SRRM4: variants seen among roughly 807,000 people sequenced by gnomAD.
SRRM4 encodes serine/arginine repetitive matrix protein 4.
Under a neutral mutation model 68.9 loss-of-function variants are expected in SRRM4, and 33 were observed. The ratio of observed to expected loss-of-function variants is 0.48; its 90% CI spans 0.36 to 0.64. SRRM4 has a LOEUF of 0.64. Among genes scored for constraint, SRRM4 ranks in the 30% least tolerant of loss-of-function variants. The pLI, the probability that SRRM4 is intolerant of heterozygous loss-of-function variation, is 0.00. For synonymous variants in SRRM4, 318 were observed against 318.8 expected (o/e 1.00, Z 0.03); for missense variants, 817 against 827.1 (o/e 0.99, Z 0.15).
chr12:119,021,553 T>A (rs1198263435), intron 1 of SRRM4, among the ~76,000 whole-genome samples: 1 of 152,184 alleles, frequency 6.6e-6, no homozygotes, highest in East Asian at 1.9e-4. Flanking sequence ...CTACCCCCAG[T>A]GGTCATTATT....
At chr12:119,001,362 TG>T (rs1953382832) in intron 1 of SRRM4, 1 of 152,198 alleles carries the variant, frequency 6.6e-6, no homozygotes, top group African/African-American at 2.4e-5. Context: ...CTAAGATAAC[TG>T]GGAAGGGCAG....
At chr12:119,142,869 CTCCAGAGTTG>C (rs1281969813) in intron 8 of SRRM4, among the ~76,000 whole-genome samples, 16 of 152,178 alleles carry the variant, frequency 1.1e-4, no homozygotes, top group African/African-American at 3.9e-4. Flanking sequence ...TACCATTGAA[CTCCAGAGTTG>C]AGAAAGATGT....
intron 9 of SRRM4, among the ~76,000 whole-genome samples, chr12:119,149,796 G>A (rs565435463): frequency 1.3e-5 from 2 of 152,298 alleles, no homozygotes; most frequent in African/African-American, 4.8e-5. Context: ...ACCTGAGATT[G>A]GAGGGGTGAG....
At chr12:119,001,241 G>C (rs181113336) in intron 1 of SRRM4, 1 of 152,380 alleles carries the variant, frequency 6.6e-6, no homozygotes, top group East Asian at 1.9e-4. Context: ...GATGAGGAAA[G>C]TGAACAACGT....
intron 1 of SRRM4, among the ~76,000 whole-genome samples, chr12:119,023,827 TATA>T (rs1227375417): frequency 6.6e-6 from 1 of 152,202 alleles, no homozygotes; most frequent in African/African-American, 2.4e-5. Context: ...AGACCCAACA[TATA>T]ATAGGTGCTC....
intron 1 of SRRM4, among the ~76,000 whole-genome samples, chr12:119,076,024 G>A (rs1204730296): frequency 2.6e-5 from 4 of 151,520 alleles, no homozygotes; most frequent in Non-Finnish European, 5.9e-5. Context: ...TGATGATGAT[G>A]GTGGTGATGG....
intron 1 of SRRM4, among the ~76,000 whole-genome samples, chr12:118,983,524 C>G (rs559900709): frequency 6.6e-6 from 1 of 152,212 alleles, no homozygotes; most frequent in Non-Finnish European, 1.5e-5. Context: ...TTTCTGCTAT[C>G]TATTCCACCT....
At chr12:119,101,729 A>G (rs1467457381) in intron 1 of SRRM4, among the ~76,000 whole-genome samples, 1 of 152,130 alleles carries the variant, frequency 6.6e-6, no homozygotes, top group Non-Finnish European at 1.5e-5. Context: ...GAAATAAGGC[A>G]GAGAAATGGA....
At chr12:119,129,812 G>A (rs1448196701) in intron 7 of SRRM4, among the ~76,000 whole-genome samples, 1 of 152,244 alleles carries the variant, frequency 6.6e-6, no homozygotes, top group East Asian at 1.9e-4. Context: ...TGGTTAGGTA[G>A]ATGGATGGAT....
intron 5 of SRRM4, among the ~76,000 whole-genome samples, chr12:119,120,784 T>TAAAA (rs1954214547): frequency 6.6e-6 from 1 of 152,234 alleles, no homozygotes; most frequent in Admixed American, 6.5e-5. Context: ...AGTGGATATG[T>TAAAA]TTATTGTTCC....
At chr12:119,080,761 A>G (rs1208068764) in intron 1 of SRRM4, among the ~76,000 whole-genome samples, 1 of 152,264 alleles carries the variant, frequency 6.6e-6, no homozygotes, top group Non-Finnish European at 1.5e-5. Context: ...AGCAGGCAAC[A>G]GCTTCAAAGC....
intron 1 of SRRM4, among the ~76,000 whole-genome samples, chr12:119,067,576 C>T (rs904894907): frequency 3.3e-5 from 5 of 152,192 alleles, no homozygotes; most frequent in Non-Finnish European, 7.4e-5. Flanking sequence ...GGTACAGTGG[C>T]GCGTGCCTGT....
chr12:119,065,595 C>T lies in SRRM4; in HGVS notation c.132-36641C>T, dbSNP rs777241353. Among the ~76,000 whole-genome samples, 4 of 152,002 alleles carry T rather than the reference C, an allele frequency of 2.6e-5. No individual in the cohort carries two copies. In the East Asian group the frequency reaches 5.8e-4, roughly 22 times the overall value. Reference sequence around the variant, plus strand: ...ACTAAAAATACAAAAATTAGCCCGGCGTGGTGGCAAGTGCCTGTAGTCCCA... The same window carrying T: ...ACTAAAAATACAAAAATTAGCCCGGTGTGGTGGCAAGTGCCTGTAGTCCCA... On this transcript the variant is annotated intron_variant, in intron 1 of 12. Coordinates refer to ENST00000267260, the MANE Select transcript of SRRM4 (RefSeq NM_194286.4).
In SRRM4 at chr12:119,151,134, C is replaced by G; in HGVS notation, c.1194C>G (p.Thr398=). 1 of 1,613,986 alleles carries G rather than the reference C, an allele frequency of 6.2e-7. No homozygotes were observed. Among genetic ancestry groups the G allele is most frequent in the Non-Finnish European group, 8.5e-7 (1 of 1,179,878 alleles). ...CCCGCAGCTCCTCCTATGCCAGCAC[C>G]CGATCCTCCAGTCACTCGTCCCGAT... The part of the protein sequence containing the change: ...GCSRSSSYAS[T]RSSSHSSRSP... The change falls in exon 10 of 13, where the codon ACC becomes ACG. Residue 398 remains threonine, a synonymous_variant. Coordinates refer to ENST00000267260, the MANE Select transcript of SRRM4 (RefSeq NM_194286.4).
rs573290075 is a variant in SRRM4, at chr12:119,114,906, C to T, written c.365+542C>T. Among the ~76,000 whole-genome samples the T allele has an allele frequency of 5.9e-5, 9 of 151,820 alleles. No individual in the cohort carries two copies. The South Asian group carries it at 1.0e-3, about 18-fold the overall frequency. On this transcript the variant is annotated intron_variant, in intron 3 of 12. Transcript: ENST00000267260. ...GTCTCCATCTCCTGACCTTGTGATC[C>T]GCCTGCCTCGGCCTTCCAAAGTGCT...
At chr12:118,991,154 C>A (rs1953314399) in intron 1 of SRRM4, among the ~76,000 whole-genome samples, 1 of 152,196 alleles carries the variant, frequency 6.6e-6, no homozygotes, top group Admixed American at 6.5e-5. Flanking sequence ...GGCCTCTAGC[C>A]TCTTCATGGT....
chr12:119,100,724 G>A (rs1448523594), intron 1 of SRRM4, among the ~76,000 whole-genome samples: 1 of 152,222 alleles, frequency 6.6e-6, no homozygotes, highest in Non-Finnish European at 1.5e-5. Context: ...CTTGCTGGGT[G>A]TTAGGCAGAA....
At chr12:119,087,587 T>A (rs914532438) in intron 1 of SRRM4, among the ~76,000 whole-genome samples, 3 of 140,776 alleles carry the variant, frequency 2.1e-5, no homozygotes, top group Non-Finnish European at 3.2e-5. Context: ...GATGGGGTGT[T>A]TTTTTAGCTG....
chr12:119,130,865 C>A (rs7298583), intron 8 of SRRM4, 31 bp downstream of exon 8: 912,178 of 1,587,286 alleles, frequency 0.57, 263,013 homozygotes, highest in South Asian at 0.61. Flanking sequence ...CCTCTGCCAG[C>A]CTTGGCCACG....
Sources: allele counts gnomAD v4.1 joint callset (sites outside exome capture counted in the v4.1 genomes callset), GRCh38; gene constraint gnomAD v4.1.1; transcripts MANE v1.5; gene names NCBI Gene and HGNC (gene_info 2026-07-23, HGNC 2026-07-21).